Variants in XDH observed in about 807,000 individuals in gnomAD.
XDH encodes the protein xanthine dehydrogenase/oxidase.
A neutral mutation model predicts 156.1 loss-of-function variants in XDH; 138 were observed. That is an observed-to-expected ratio of 0.88 (90% CI 0.77 to 1.02). The LOEUF is 1.02. Among genes scored for constraint, XDH ranks in the 50% least tolerant of loss-of-function variants. The pLI is 0.00. For synonymous variants in XDH, 669 were observed against 625.7 expected (o/e 1.07, Z -1.03); for missense variants, 1,849 against 1,684.9 (o/e 1.10, Z -1.71).
intron 6 of XDH, among the ~76,000 whole-genome samples, chr2:31,390,005 A>G (rs1017669858): frequency 2.0e-5 from 3 of 152,218 alleles, no homozygotes; most frequent in Non-Finnish European, 2.9e-5. Context: ...ATGGACCCAC[A>G]TTGACACATC....
intron 14 of XDH, 59 bp from the exon 15 acceptor site, chr2:31,375,613 T>C: frequency 6.3e-7 from 1 of 1,578,014 alleles, no homozygotes; most frequent in African/African-American, 1.4e-5. Context: ...CCCCTTTGTG[T>C]AGAGCTGTGT....
intron 15 of XDH, 27 bp downstream of exon 15, chr2:31,375,353 G>T: frequency 6.2e-7 from 1 of 1,614,076 alleles, no homozygotes; most frequent in Non-Finnish European, 8.5e-7. Flanking sequence ...GCTACAGAGA[G>T]CCTGTGCCTG....
chr2:31,373,549 G>A (rs1291865316), intron 16 of XDH, among the ~76,000 whole-genome samples: 2 of 142,734 alleles, frequency 1.4e-5, no homozygotes. Context: ...TTGTTTGTTT[G>A]TTTGTTTGTT....
At chr2:31,338,793 G>A (rs191330374) in intron 34 of XDH, among the ~76,000 whole-genome samples, 5 of 133,520 alleles carry the variant, frequency 3.7e-5, no homozygotes, top group Admixed American at 9.4e-5. Context: ...GTCCAGTCAC[G>A]GCTCACTGCA....
intron 2 of XDH, among the ~76,000 whole-genome samples, chr2:31,403,888 C>T (rs566443549): frequency 2.7e-4 from 41 of 152,262 alleles, no homozygotes; most frequent in African/African-American, 9.6e-4. Flanking sequence ...CTGCAGGCCT[C>T]TAAGCCACCC....
At chr2:31,405,404 C>T (rs1178779878) in intron 2 of XDH, among the ~76,000 whole-genome samples, 2 of 152,176 alleles carry the variant, frequency 1.3e-5, no homozygotes, top group African/African-American at 4.8e-5. Flanking sequence ...GGAGTCCCCC[C>T]ACCCTCCAGG....
At chr2:31,356,984 A>G (rs1321638491) in intron 24 of XDH, among the ~76,000 whole-genome samples, 2 of 152,194 alleles carry the variant, frequency 1.3e-5, no homozygotes, top group African/African-American at 4.8e-5. Context: ...GCATGCTTCT[A>G]AATAATTAGG....
Position 31,370,482 on chromosome 2 carries a change from C to T in XDH, c.1857-4G>A, listed in dbSNP as rs17395175. 7.5e-3 allele frequency: 12,180 copies of T among 1,614,088 alleles called. 60 individuals are homozygous for T. The highest frequency in any genetic ancestry group is 9.3e-3 in the Non-Finnish European group (10,960 of 1,179,962). The stretch of plus-strand genomic sequence containing the variant: ...AGCTTCTGATGTATCTATGGACCTG[C>T]AAGAATGAGTGGTGTGAGGGGCCAG... On this transcript the variant is annotated splice_polypyrimidine_tract_variant and splice_region_variant and intron_variant, in intron 17 of 35. Transcript: ENST00000379416.
rs1684959799 is a variant in XDH at position 31,335,942 on chromosome 2, G to T, written c.*16C>A. The T allele has an allele frequency of 1.9e-6, 3 of 1,613,974 alleles. No individual in the cohort carries two copies. In the South Asian group the frequency reaches 3.3e-5, roughly 18 times the overall value. Reference sequence around the variant, plus strand: ...CCCAAAGGCAGCACAAGAAGACTCTGCTGAGGACTCTCTCTTTAGACCCTC... The same window carrying T: ...CCCAAAGGCAGCACAAGAAGACTCTTCTGAGGACTCTCTCTTTAGACCCTC... On this transcript the variant is annotated 3_prime_UTR_variant, in exon 36 of 36. Transcript: ENST00000379416.
rs1685232715 is a variant in XDH at position 31,344,695 on chromosome 2, A to C, written c.3393T>G (p.Thr1131=). 1 of 1,614,062 alleles carries C rather than the reference A, an allele frequency of 6.2e-7. No homozygotes were observed. The highest frequency in any genetic ancestry group is 1.3e-5 in the African/African-American group (1 of 74,930). Residue 1131 remains threonine, a synonymous_variant, in exon 31 of 36, where the codon ACT becomes ACG. Coordinates refer to ENST00000379416, the MANE Select transcript of XDH (RefSeq NM_000379.4). ...AYMDTVSLSA[T]GFYRTPNLGY... is the part of the protein sequence containing the mutation. ...AACACCATACTTACCTATAAAACCC[A>C]GTGGCAGACAAGCTCACTGTGTCCA...
intron 5 of XDH, 96 bp downstream of exon 5, chr2:31,398,477 G>A (rs1686970674): frequency 1.9e-6 from 3 of 1,599,580 alleles, no homozygotes; most frequent in South Asian, 1.1e-5. Context: ...TCCTCCAAAG[G>A]GTAGTCCCTC....
chr2:31,393,454 ATATCATGGTCCACCTTTCTT>A (rs1371618550), intron 6 of XDH, among the ~76,000 whole-genome samples: 1 of 152,210 alleles, frequency 6.6e-6, no homozygotes, highest in African/African-American at 2.4e-5. Context: ...TTCGATTAGT[ATATCATGGTCCACCTTTCTT>A]TATCTACTTA....
chr2:31,383,878 G>A, intron 9 of XDH, 31 bp from the exon 10 acceptor site: 1 of 1,601,494 alleles, frequency 6.2e-7, no homozygotes. Context: ...GAAGTTGTAG[G>A]CCCATTGTTG....
chr2:31,357,238 A>G lies in XDH; in HGVS notation c.2631+6920T>C, dbSNP rs534987863. On this transcript the variant is annotated intron_variant, in intron 24 of 35. Coordinates refer to ENST00000379416, the MANE Select transcript of XDH (RefSeq NM_000379.4). ...CAAAGCAAACAGAGTGAACGAAATA[A>G]TAAGGATAAGAGCAGAAATCAGTGA... Among the ~76,000 whole-genome samples, 4 of 152,320 alleles carry G rather than the reference A, an allele frequency of 2.6e-5. No individual in the cohort carries two copies. In the East Asian group the frequency reaches 7.7e-4, roughly 29 times the overall value.
chr2:31,392,457 C>G (rs1181451296), intron 6 of XDH, among the ~76,000 whole-genome samples: 2 of 151,828 alleles, frequency 1.3e-5, no homozygotes, highest in Non-Finnish European at 2.9e-5. Context: ...TGGAGTCTCA[C>G]TCTGTCACCC....
chr2:31,411,975 G>GTGAT (rs1687354809), intron 1 of XDH, among the ~76,000 whole-genome samples: 1 of 152,040 alleles, frequency 6.6e-6, no homozygotes, highest in African/African-American at 2.4e-5. Context: ...GAGTGAGTGA[G>GTGAT]TGAGTGAGTG....
chr2:31,393,183 C>T (rs560914416), intron 6 of XDH, among the ~76,000 whole-genome samples: 2 of 152,254 alleles, frequency 1.3e-5, no homozygotes, highest in African/African-American at 4.8e-5. Flanking sequence ...CAACTATGTC[C>T]TTACTGATTT....
chr2:31,382,938 C>A, intron 11 of XDH, 63 bp downstream of exon 11: 1 of 1,610,910 alleles, frequency 6.2e-7, no homozygotes, highest in African/African-American at 1.3e-5. Context: ...GAGAGTCTGG[C>A]TGCCCTGCTT....
chr2:31,393,800 CTT>C (rs34575198), intron 6 of XDH, among the ~76,000 whole-genome samples: 2 of 140,452 alleles, frequency 1.4e-5, no homozygotes, highest in Admixed American at 7.1e-5. Flanking sequence ...TTCCTTTTTT[CTT>C]TTTTTTTTTT....
Sources: gnomAD v4.1 joint callset for allele counts (sites outside exome capture counted in the v4.1 genomes callset) on GRCh38, gnomAD v4.1.1 for gene constraint, MANE v1.5 for transcripts, NCBI Gene and HGNC (gene_info 2026-07-23, HGNC 2026-07-21) for gene names.